Variants in KCTD8 observed in about 807,000 individuals in gnomAD.
The protein encoded by KCTD8 is BTB/POZ domain-containing protein KCTD8.
In KCTD8, 27 loss-of-function variants were observed where a neutral mutation model predicts 31.5. The ratio of observed to expected loss-of-function variants is 0.86; its 90% CI spans 0.63 to 1.18. KCTD8 has a LOEUF of 1.18. Ranked by LOEUF, KCTD8 falls within the 50% of genes most tolerant of loss-of-function variation. KCTD8 has a pLI of 0.00. For synonymous variants in KCTD8, 290 were observed against 280.0 expected, an observed-to-expected ratio of 1.04 and a Z score of -0.36; for missense variants, 658 against 647.7, an observed-to-expected ratio of 1.02 and a Z score of -0.17.
chr4:44,432,465 A>G (rs1721528653), intron 1 of KCTD8, among the ~76,000 whole-genome samples: 1 of 151,720 alleles, frequency 6.6e-6, no homozygotes, highest in South Asian at 2.1e-4. Context: ...CTTAGAGAAT[A>G]GCCCAAGCAC....
At chr4:44,335,125 A>G (rs192721031) in intron 1 of KCTD8, among the ~76,000 whole-genome samples, 1 of 152,270 alleles carries the variant, frequency 6.6e-6, no homozygotes, top group African/African-American at 2.4e-5. Context: ...AGTTACATAT[A>G]ACAGATGTAA....
intron 1 of KCTD8, among the ~76,000 whole-genome samples, chr4:44,376,000 G>A (rs547529053): frequency 6.6e-6 from 1 of 152,136 alleles, no homozygotes; most frequent in East Asian, 1.9e-4. Context: ...TACCTCTAAG[G>A]GGAGTGATTA....
intron 1 of KCTD8, among the ~76,000 whole-genome samples, chr4:44,323,304 G>A (rs1718347287): frequency 6.6e-6 from 1 of 151,886 alleles, no homozygotes; most frequent in African/African-American, 2.4e-5. Context: ...GACCAGCCTG[G>A]CCAACATGGT....
At chr4:44,272,525 T>A (rs928706951) in intron 1 of KCTD8, among the ~76,000 whole-genome samples, 5 of 151,978 alleles carry the variant, frequency 3.3e-5, no homozygotes, top group Admixed American at 1.3e-4. Context: ...TGTACTTAAG[T>A]TTTTGAAAAA....
chr4:44,366,958 T>C (rs1476154069), intron 1 of KCTD8, among the ~76,000 whole-genome samples: 1 of 152,130 alleles, frequency 6.6e-6, no homozygotes, highest in Non-Finnish European at 1.5e-5. Context: ...GCTGTTATGG[T>C]AAAGATAAAA....
chr4:44,277,529 ATCAT>A (rs142273657), intron 1 of KCTD8, among the ~76,000 whole-genome samples: 53 of 151,766 alleles, frequency 3.5e-4, no homozygotes, highest in African/African-American at 7.0e-4. Context: ...CACGGAGTAA[ATCAT>A]TCATTCATTC....
At chr4:44,401,648 A>G (rs1487107162) in intron 1 of KCTD8, among the ~76,000 whole-genome samples, 2 of 152,200 alleles carry the variant, frequency 1.3e-5, no homozygotes, top group East Asian at 3.9e-4. Flanking sequence ...CCTCATCTAT[A>G]AATGAAAATG....
intron 1 of KCTD8, among the ~76,000 whole-genome samples, chr4:44,244,141 C>T (rs1715583595): frequency 6.6e-6 from 1 of 152,184 alleles, no homozygotes; most frequent in Admixed American, 6.5e-5. Context: ...AACCTGGCAA[C>T]CCTATTCCGA....
chr4:44,254,045 T>C (rs751460537), intron 1 of KCTD8, among the ~76,000 whole-genome samples: 1 of 151,888 alleles, frequency 6.6e-6, no homozygotes, highest in Non-Finnish European at 1.5e-5. Context: ...GGCAACACAG[T>C]CACCTGCAAC....
At chr4:44,376,236 T>A (rs1442295639) in intron 1 of KCTD8, among the ~76,000 whole-genome samples, 1 of 152,150 alleles carries the variant, frequency 6.6e-6, no homozygotes, top group Non-Finnish European at 1.5e-5. Flanking sequence ...GAGTTAAGAC[T>A]GGAACTGTCT....
intron 1 of KCTD8, among the ~76,000 whole-genome samples, chr4:44,285,477 C>T (rs56090631): frequency 4.6e-5 from 7 of 150,976 alleles, no homozygotes; most frequent in East Asian, 2.0e-4. Context: ...TGTAGGGGGT[C>T]GGGGTGTAGG....
chr4:44,335,946 T>C (rs3113533), intron 1 of KCTD8, among the ~76,000 whole-genome samples: 6,228 of 151,196 alleles, frequency 0.041, 141 homozygotes, highest in Middle Eastern at 0.092. Flanking sequence ...GTCAGGAGAT[T>C]GAGACCATCC....
chr4:44,274,599 G>C (rs1443244481), intron 1 of KCTD8, among the ~76,000 whole-genome samples: 1 of 151,720 alleles, frequency 6.6e-6, no homozygotes, highest in African/African-American at 2.4e-5. Flanking sequence ...TATTGGTTTT[G>C]AGTACCTAAA....
At chr4:44,360,679 G>C (rs1719471947) in intron 1 of KCTD8, among the ~76,000 whole-genome samples, 1 of 151,972 alleles carries the variant, frequency 6.6e-6, no homozygotes, top group South Asian at 2.1e-4. Flanking sequence ...ATCCTCAAGA[G>C]ATGCTTTCTA....
In KCTD8 at chr4:44,380,004, G is replaced by T. The variant is rs112774523; in HGVS notation, c.961+67559C>A. 3.3e-3 allele frequency among the ~76,000 whole-genome samples: 500 copies of T among 151,926 alleles called. 2 individuals are homozygous for T. The highest frequency in any genetic ancestry group is 0.012 in the African/African-American group (478 of 41,470). ...GTACATCAACACTGAATTTAGCATT[G>T]TCTTATAAAGACACACATTATCTAG... is the stretch of plus-strand genomic sequence containing the variant. On this transcript the variant is annotated intron_variant, in intron 1 of 1. Transcript: ENST00000360029.
rs577713171 is a variant in KCTD8, at chr4:44,346,063, T to C, written c.961+101500A>G. The stretch of plus-strand genomic sequence containing the variant: ...CTGTAATTTTAACAAGTTGCTACCT[T>C]CTTAAAGAAACAGTATGAATATTGT... On this transcript the variant is annotated intron_variant, in intron 1 of 1. Transcript: ENST00000360029. Among the ~76,000 whole-genome samples the C allele has an allele frequency of 2.4e-4, 36 of 152,316 alleles. No homozygotes were observed. The South Asian group carries it at 3.7e-3, about 16-fold the overall frequency.
chr4:44,360,765 C>A (rs1719474178), intron 1 of KCTD8, among the ~76,000 whole-genome samples: 1 of 151,862 alleles, frequency 6.6e-6, no homozygotes, highest in African/African-American at 2.4e-5. Flanking sequence ...AAATGCACAG[C>A]CAACAATTCT....
chr4:44,384,114 C>T (rs150079519), intron 1 of KCTD8, among the ~76,000 whole-genome samples: 32 of 150,256 alleles, frequency 2.1e-4, no homozygotes, highest in Non-Finnish European at 4.6e-4. Context: ...AATGAGATAT[C>T]TTCTCACTCA....
At chr4:44,419,734 G>C (rs542823769) in intron 1 of KCTD8, among the ~76,000 whole-genome samples, 9 of 152,116 alleles carry the variant, frequency 5.9e-5, no homozygotes, top group African/African-American at 2.2e-4. Flanking sequence ...ATAGCATTAG[G>C]AGAAATACCT....
Sources: gnomAD v4.1 joint callset for allele counts (sites outside exome capture counted in the v4.1 genomes callset) on GRCh38, gnomAD v4.1.1 for gene constraint, MANE v1.5 for transcripts, NCBI Gene and HGNC (gene_info 2026-07-23, HGNC 2026-07-21) for gene names.